The following NSMCE2 variants were observed in gnomAD, a reference collection of about 807,000 sequenced individuals.
NSMCE2 encodes the protein NSE2 SUMO ligase component of SMC5/6 complex.
In NSMCE2, 24 loss-of-function variants were observed where a neutral mutation model predicts 23.8. The observed-to-expected ratio is 1.01, with a 90% CI of 0.73 to 1.42. The LOEUF (loss-of-function observed/expected upper bound fraction) is 1.42. NSMCE2 is among the 40% of genes most tolerant of loss of function. The pLI is 0.00. For missense variants in NSMCE2, 284 were observed against 296.5 expected (o/e 0.96, Z 0.31); for synonymous variants, 92 against 94.1 (o/e 0.98, Z 0.13).
At chr8:125,156,143 G>A (rs1025346725) in intron 4 of NSMCE2, 2 of 273,766 alleles carry the variant, frequency 7.3e-6, no homozygotes, top group African/African-American at 4.7e-5. Flanking sequence ...TTGGTGACCA[G>A]TATAGTCTCA....
intron 5 of NSMCE2, among the ~76,000 whole-genome samples, chr8:125,275,459 TAAGAACGTGCCCTG>T (rs1827413185): frequency 6.6e-6 from 1 of 152,152 alleles, no homozygotes; most frequent in Non-Finnish European, 1.5e-5. Flanking sequence ...ATCCAGCAGG[TAAGAACGTGCCCTG>T]TGGATAGCCA....
chr8:125,248,165 A>G (rs915945297), intron 5 of NSMCE2, among the ~76,000 whole-genome samples: 2 of 152,238 alleles, frequency 1.3e-5, no homozygotes, highest in African/African-American at 4.8e-5. Context: ...CTAAAGTGTG[A>G]AAAGAAACAG....
At chr8:125,304,137 G>A (rs1316094434) in intron 5 of NSMCE2, among the ~76,000 whole-genome samples, 1 of 152,166 alleles carries the variant, frequency 6.6e-6, no homozygotes, top group African/African-American at 2.4e-5. Flanking sequence ...GACTGATTTA[G>A]ACTGTGGAAA....
At chr8:125,320,175 C>CA (rs1228898213) in intron 5 of NSMCE2, among the ~76,000 whole-genome samples, 33 of 111,494 alleles carry the variant, frequency 3.0e-4, no homozygotes, top group Middle Eastern at 7.5e-3. Context: ...GACTCCATCT[C>CA]AAAAAAAAAA....
chr8:125,218,712 A>G (rs1304753766), intron 5 of NSMCE2, among the ~76,000 whole-genome samples: 1 of 152,142 alleles, frequency 6.6e-6, no homozygotes, highest in Non-Finnish European at 1.5e-5. Context: ...GCGCCCGGCC[A>G]AAAGTTGAGA....
At chr8:125,213,809 C>T (rs1341339572) in intron 5 of NSMCE2, among the ~76,000 whole-genome samples, 2 of 150,572 alleles carry the variant, frequency 1.3e-5, no homozygotes, top group Non-Finnish European at 2.9e-5. Context: ...TTTTGTTTGG[C>T]TCACACAGTG....
At chr8:125,325,722 C>T (rs1829638650) in intron 5 of NSMCE2, among the ~76,000 whole-genome samples, 1 of 152,156 alleles carries the variant, frequency 6.6e-6, no homozygotes, top group South Asian at 2.1e-4. Context: ...AAGACCGAGG[C>T]AGGAGGATCA....
intron 5 of NSMCE2, among the ~76,000 whole-genome samples, chr8:125,281,164 T>C (rs967386559): frequency 6.6e-6 from 1 of 152,262 alleles, no homozygotes; most frequent in African/African-American, 2.4e-5. Context: ...GAGAAAGTTA[T>C]AGCTAGCTCT....
intron 5 of NSMCE2, among the ~76,000 whole-genome samples, chr8:125,246,427 C>G (rs756941430): frequency 6.6e-6 from 1 of 152,036 alleles, no homozygotes; most frequent in African/African-American, 2.4e-5. Context: ...TGTGATCCAC[C>G]CGCCTCCTCC....
Position 125,361,670 on chromosome 8 carries a change from A to G in NSMCE2, c.626+3852A>G, listed in dbSNP as rs530676124. ...CACATTTCTTGGCAGAAGAGTAGCA[A>G]AAGCACTTAGTTGAAAGCTCTTTTG... On this transcript the variant is annotated intron_variant, in intron 7 of 7. Coordinates refer to ENST00000287437, the MANE Select transcript of NSMCE2 (RefSeq NM_173685.4). Among the ~76,000 whole-genome samples, 22 of 152,348 alleles carry G rather than the reference A, an allele frequency of 1.4e-4. No homozygotes were observed. The East Asian group carries it at 2.9e-3, about 20-fold the overall frequency.
chr8:125,260,444 G>A (rs1044841709), intron 5 of NSMCE2, among the ~76,000 whole-genome samples: 2 of 151,288 alleles, frequency 1.3e-5, no homozygotes, highest in East Asian at 1.9e-4. Flanking sequence ...CTATACTTTC[G>A]TGTGTGGTAG....
chr8:125,131,105 A>G (rs1035007563), intron 3 of NSMCE2, among the ~76,000 whole-genome samples: 1 of 152,090 alleles, frequency 6.6e-6, no homozygotes, highest in Admixed American at 6.6e-5. Flanking sequence ...ATACAGTTAC[A>G]TTGTTGTCAT....
chr8:125,214,943 T>C (rs1366496946), intron 5 of NSMCE2, among the ~76,000 whole-genome samples: 2 of 152,182 alleles, frequency 1.3e-5, no homozygotes, highest in Non-Finnish European at 2.9e-5. Context: ...ACTTTTTCAG[T>C]AACCCTGATG....
At chr8:125,320,950 T>A (rs994180032) in intron 5 of NSMCE2, among the ~76,000 whole-genome samples, 1 of 152,058 alleles carries the variant, frequency 6.6e-6, no homozygotes, top group African/African-American at 2.4e-5. Context: ...GAAGGCAAAG[T>A]GGGAGCAGAC....
intron 5 of NSMCE2, among the ~76,000 whole-genome samples, chr8:125,213,527 CTCCTCTCCTCTCCCCTCCA>C (rs1335533027): frequency 7.2e-6 from 1 of 139,578 alleles, no homozygotes; most frequent in Non-Finnish European, 1.6e-5. Flanking sequence ...CTCCTCTCCT[CTCCTCTCCTCTCCCCTCCA>C]CTCCCCTCCC....
chr8:125,178,720 A>G (rs1563700303), intron 4 of NSMCE2, among the ~76,000 whole-genome samples: 1 of 151,986 alleles, frequency 6.6e-6, no homozygotes. Context: ...AATACAAAAA[A>G]TTAGCCGGGC....
At chr8:125,266,318 T>C (rs2131068059) in intron 5 of NSMCE2, among the ~76,000 whole-genome samples, 1 of 152,332 alleles carries the variant, frequency 6.6e-6, no homozygotes, top group Non-Finnish European at 1.5e-5. Flanking sequence ...GTCTATTTTT[T>C]AAACCCCATC....
Position 125,366,789 on chromosome 8 carries a change from C to A in NSMCE2, c.648C>A (p.Ser216Arg). 1 of 1,610,730 alleles carries A rather than the reference C, an allele frequency of 6.2e-7. No individual in the cohort carries two copies. The highest frequency in any genetic ancestry group is 8.5e-7 in the Non-Finnish European group (1 of 1,176,944). ...KKAYCPQIGC[S>R]HTDIRKSDLI... The stretch of plus-strand genomic sequence containing the variant: ...ACAGTTGCCCTCAAATTGGCTGTAG[C>A]CACACGGATATAAGAAAGTCAGATC... Residue 216 changes from serine (S) to arginine (R), a missense_variant, in exon 8 of 8, where the codon AGC (serine) becomes AGA (arginine). Transcript: ENST00000287437.
At position 125,095,666 on chromosome 8, in the gene NSMCE2, C is replaced by T. The variant is rs149424309; in HGVS notation, c.-111+3708C>T. ...TCCTAGCACTTTGGGAGGCCGAGGC[C>T]GGTGGATCACTTGAGGTCAGGAGTT... On this transcript the variant is annotated intron_variant, in intron 1 of 7. Transcript: ENST00000287437. Among the ~76,000 whole-genome samples, 1,357 of 151,010 alleles carry T rather than the reference C, an allele frequency of 9.0e-3. 23 individuals carry two copies. Among genetic ancestry groups the T allele is most frequent in the African/African-American group, 0.03 (1,238 of 41,082 alleles).
Sources: allele counts gnomAD v4.1 joint callset (sites outside exome capture counted in the v4.1 genomes callset), GRCh38; gene constraint gnomAD v4.1.1; transcripts MANE v1.5; gene names NCBI Gene and HGNC (gene_info 2026-07-23, HGNC 2026-07-21).